The following PCBP3 variants were observed in gnomAD, a reference collection of about 807,000 sequenced individuals.
The protein encoded by PCBP3 is poly(rC) binding protein 3, also known as poly(rC)-binding protein 3.
A neutral mutation model predicts 52.7 loss-of-function variants in PCBP3; 25 were observed. The observed-to-expected ratio is 0.47, with a 90% confidence interval of 0.35 to 0.66. The LOEUF (loss-of-function observed/expected upper bound fraction) is 0.66. PCBP3 is among the 30% of genes least tolerant of loss of function. PCBP3 has a pLI of 0.01. For synonymous variants in PCBP3, 162 were observed against 183.0 expected (o/e 0.89, Z 0.93); for missense variants, 391 against 490.3 (o/e 0.80, Z 1.91).
At chr21:45,843,732 G>A (rs1431308619) in intron 4 of PCBP3, among the ~76,000 whole-genome samples, 7 of 152,170 alleles carry the variant, frequency 4.6e-5, no homozygotes. Context: ...GATATGTTCT[G>A]TGGACTCCAT....
intron 2 of PCBP3, among the ~76,000 whole-genome samples, chr21:45,718,041 G>C (rs1157745397): frequency 6.6e-6 from 1 of 152,048 alleles, no homozygotes; most frequent in Non-Finnish European, 1.5e-5. Flanking sequence ...CTTTTATCTA[G>C]AGTCAGTTTC....
chr21:45,843,825 G>A (rs991216607), intron 4 of PCBP3, among the ~76,000 whole-genome samples: 27 of 152,304 alleles, frequency 1.8e-4, no homozygotes, highest in African/African-American at 6.5e-4. Flanking sequence ...TTAGGAGAAT[G>A]TGTTACCTCT....
chr21:45,751,191 G>T (rs1374435762), intron 3 of PCBP3: 1 of 152,116 alleles, frequency 6.6e-6, no homozygotes, highest in African/African-American at 2.4e-5. Flanking sequence ...TTTGTTAAAC[G>T]TTTGCTGGCA....
At chr21:45,912,611 T>C (rs1181082542) in intron 11 of PCBP3, among the ~76,000 whole-genome samples, 1 of 151,798 alleles carries the variant, frequency 6.6e-6, no homozygotes, top group East Asian at 1.9e-4. Flanking sequence ...CTGTACCCAG[T>C]GCAGGGAGGC....
At chr21:45,722,820 G>A (rs185209524) in intron 2 of PCBP3, among the ~76,000 whole-genome samples, 5 of 151,960 alleles carry the variant, frequency 3.3e-5, no homozygotes, top group South Asian at 2.1e-4. Context: ...GGCTAACAAC[G>A]GTGAAACATC....
At chr21:45,818,829 AC>A (rs1196395338) in intron 4 of PCBP3, among the ~76,000 whole-genome samples, 1 of 152,252 alleles carries the variant, frequency 6.6e-6, no homozygotes, top group Non-Finnish European at 1.5e-5. Context: ...ATTCAGCACT[AC>A]AAAGAAATGA....
chr21:45,752,682 G>T (rs1189571475), intron 3 of PCBP3, among the ~76,000 whole-genome samples: 2 of 151,584 alleles, frequency 1.3e-5, no homozygotes, highest in African/African-American at 4.8e-5. Context: ...CTGCATTGTG[G>T]ACCAGGTGAT....
At chr21:45,930,641 C>T (rs1361431098) in intron 14 of PCBP3, 145 bp from the exon 15 acceptor site, 1 of 549,486 alleles carries the variant, frequency 1.8e-6, no homozygotes, top group South Asian at 2.1e-5. Context: ...TGTCCCTCCC[C>T]ACAGAGGCAG....
intron 2 of PCBP3, among the ~76,000 whole-genome samples, chr21:45,719,377 A>G (rs915637508): frequency 7.2e-5 from 11 of 152,172 alleles, no homozygotes; most frequent in African/African-American, 2.7e-4. Flanking sequence ...AGAACAAGCC[A>G]TACCCGGTGG....
chr21:45,917,265 G>T lies in PCBP3; in HGVS notation c.676-323G>T. The T allele has an allele frequency of 8.6e-6, 1 of 115,704 alleles. No homozygotes were observed. The highest frequency in any genetic ancestry group is 1.2e-4 in the Admixed American group (1 of 8,672). The allele number at this position is 115,704 out of a possible 1,614,324, so 7.2% of individuals were successfully genotyped here. A position where few individuals can be genotyped will look rare whatever the true frequency, so the allele number is the denominator to read the frequency against. On this transcript the variant is annotated intron_variant, in intron 12 of 17. Transcript: ENST00000681687. The surrounding 1 kb of genome is among the most constrained non-coding windows in gnomAD (Gnocchi z 5.3). ...ATTTTCAAAACCGTAATAATTAGTG[G>T]AGACCTCTTACTGGGCAGATCACTC... is the stretch of plus-strand genomic sequence containing the variant.
intron 5 of PCBP3, among the ~76,000 whole-genome samples, chr21:45,874,411 T>C (rs896612930): frequency 3.3e-5 from 5 of 152,188 alleles, no homozygotes; most frequent in Non-Finnish European, 5.9e-5. Context: ...CTTTATAATT[T>C]CTACATAGAG....
intron 4 of PCBP3, among the ~76,000 whole-genome samples, chr21:45,840,788 ATT>A (rs1244816571): frequency 6.6e-6 from 1 of 152,070 alleles, no homozygotes. Flanking sequence ...CTAATTTTAA[ATT>A]TTTTTGTAGC....
At chr21:45,909,636 C>G in intron 10 of PCBP3, 150 bp downstream of exon 10, 1 of 709,566 alleles carries the variant, frequency 1.4e-6, no homozygotes, top group Non-Finnish European at 2.3e-6. Flanking sequence ...AAGTGCGAGA[C>G]AGGAACACAG....
At chr21:45,722,414 T>C (rs1473110971) in intron 2 of PCBP3, among the ~76,000 whole-genome samples, 2 of 152,252 alleles carry the variant, frequency 1.3e-5, no homozygotes, top group Non-Finnish European at 2.9e-5. Context: ...CCTAAATGAA[T>C]GTATATCACT....
At chr21:45,855,856 A>C (rs778261179) in intron 5 of PCBP3, among the ~76,000 whole-genome samples, 3 of 152,218 alleles carry the variant, frequency 2.0e-5, no homozygotes, top group Non-Finnish European at 4.4e-5. Flanking sequence ...GAGAGGACTA[A>C]ACTCTGACCT....
intron 17 of PCBP3, 88 bp from the exon 18 acceptor site, chr21:45,941,582 G>C: frequency 8.1e-7 from 1 of 1,241,678 alleles, no homozygotes; most frequent in South Asian, 1.4e-5. Context: ...AGCGAGCACA[G>C]AGGCCACACA....
rs1836675659 is a variant in PCBP3, at chr21:45,817,715, G to A, written c.-125-32246G>A. 6.6e-6 allele frequency among the ~76,000 whole-genome samples: 1 copy of A among 152,212 alleles called. No individual in the cohort carries two copies. The stretch of plus-strand genomic sequence containing the variant: ...TGCTGTGCAATGCTCGAACACACTT[G>A]CTTCTTATTTCTGTCCAATTCTTAA... On this transcript the variant is annotated intron_variant, in intron 4 of 17. Coordinates refer to ENST00000681687, the MANE Select transcript of PCBP3 (RefSeq NM_001384156.1). The surrounding 1 kb of genome is among the most constrained non-coding windows in gnomAD (Gnocchi z 4.3).
At chr21:45,647,705 A>G (rs1221954547) in intron 1 of PCBP3, among the ~76,000 whole-genome samples, 1 of 152,164 alleles carries the variant, frequency 6.6e-6, no homozygotes, top group Non-Finnish European at 1.5e-5. Flanking sequence ...TGTTAGGGGC[A>G]TTGTGAAATG....
At chr21:45,738,839 A>C (rs1372877885) in intron 3 of PCBP3, among the ~76,000 whole-genome samples, 14 of 80,248 alleles carry the variant, frequency 1.7e-4, no homozygotes, top group South Asian at 4.6e-4. Flanking sequence ...TCATCAGCCC[A>C]CCCCTTCCTG....
Sources: gnomAD v4.1 joint callset for allele counts (sites outside exome capture counted in the v4.1 genomes callset) on GRCh38, gnomAD v4.1.1 for gene constraint, Gnocchi (gnomAD v3.1) non-coding constraint, MANE v1.5 for transcripts, NCBI Gene and HGNC (gene_info 2026-07-23, HGNC 2026-07-21) for gene names.